The following CRIP2 variants were observed in gnomAD, a reference collection of about 807,000 sequenced individuals.
The protein encoded by CRIP2 is cysteine-rich protein 2.
A neutral mutation model predicts 31.3 loss-of-function variants in CRIP2; 31 were observed. The observed-to-expected ratio is 0.99, with a 90% CI of 0.74 to 1.34. CRIP2 has a LOEUF of 1.34. Among genes scored for constraint, CRIP2 ranks in the 40% most tolerant of loss-of-function variants. The pLI is 0.00. For synonymous variants in CRIP2, 177 were observed against 127.2 expected (o/e 1.39, Z -2.63); for missense variants, 389 against 301.6 (o/e 1.29, Z -2.15).
chr14:105,477,854 A>AGCGCG (rs2083976614), intron 1 of CRIP2, among the ~76,000 whole-genome samples: 2 of 88,978 alleles, frequency 2.2e-5, no homozygotes, highest in African/African-American at 5.5e-5. Context: ...GGTGTCCGGG[A>AGCGCG]GGCAGGTGTT....
At position 105,478,972 on chromosome 14, in the gene CRIP2, C is replaced by G; in HGVS notation, c.338-7C>G. 1 of 1,563,626 alleles carries G rather than the reference C, an allele frequency of 6.4e-7. No homozygotes were observed. The highest frequency in any genetic ancestry group is 8.6e-7 in the Non-Finnish European group (1 of 1,159,916). On this transcript the variant is annotated splice_region_variant and splice_polypyrimidine_tract_variant and intron_variant, in intron 4 of 7. Coordinates refer to ENST00000329146, the MANE Select transcript of CRIP2 (RefSeq NM_001312.4). This position sits in a 1 kb window ranked among gnomAD's most constrained non-coding sequence, Gnocchi z 4.9. ...CCCCGCCCCGCCCTGACTCGTGCGC[C>G]CCACAGCCTCCAGTGTCACCACTTT...
intron 1 of CRIP2, chr14:105,477,160 C>A: frequency 1.8e-6 from 1 of 545,382 alleles, no homozygotes; most frequent in Non-Finnish European, 2.3e-6. Flanking sequence ...CTTCAGAATT[C>A]CGGCTCTGCT....
chr14:105,478,183 TG>T lies in CRIP2; in HGVS notation c.44-78del. The T allele has an allele frequency of 9.4e-7, 1 of 1,065,180 alleles. No individual in the cohort carries two copies. The allele number at this position is 1,065,180 out of a possible 1,614,324, so 66.0% of individuals were successfully genotyped here. ...TGAAAGTGGGGACCCCCGGAGCGCG[TG>T]GGGGTGGTGGCTGCCAGGTGGGGGC... On this transcript the variant is annotated intron_variant, in intron 1 of 7. Transcript: ENST00000329146. The surrounding 1 kb of genome is among the most constrained non-coding windows in gnomAD (Gnocchi z 4.9).
Position 105,478,361 on chromosome 14 carries a change from G to T in CRIP2, c.138+1G>T. On this transcript the variant is annotated splice_donor_variant, in intron 2 of 7. Transcript: ENST00000329146. LOFTEE classifies it high-confidence loss of function. This position sits in a 1 kb window ranked among gnomAD's most constrained non-coding sequence, Gnocchi z 4.9. ...GCTGACGCCCGGGGGCCACGCCGAGGTGAGCCCCACTGCGCGGCGCGGGCG... is the reference window on the plus strand; with the variant it reads ...GCTGACGCCCGGGGGCCACGCCGAGTTGAGCCCCACTGCGCGGCGCGGGCG... 1 of 1,572,450 alleles carries T rather than the reference G, an allele frequency of 6.4e-7. No individual in the cohort carries two copies.
intron 1 of CRIP2, chr14:105,475,885 C>T: frequency 1.0e-6 from 1 of 985,516 alleles, no homozygotes; most frequent in Non-Finnish European, 1.2e-6. Context: ...GGGCCGGGAC[C>T]AACAGGGCGC....
upstream of CRIP2, chr14:105,473,607 G>C (rs933807734): frequency 7.1e-7 from 1 of 1,404,058 alleles, no homozygotes; most frequent in Admixed American, 2.3e-5. Flanking sequence ...TGGGCTTCTG[G>C]GATCTGCCTG....
chr14:105,478,784 G>A lies in CRIP2; in HGVS notation c.250G>A (p.Gly84Arg). The change falls in exon 4 of 8, where the codon GGG becomes AGG. Residue 84 changes from glycine (G) to arginine (R), a missense_variant. Coordinates refer to ENST00000329146, the MANE Select transcript of CRIP2 (RefSeq NM_001312.4). The surrounding 1 kb of genome is among the most constrained non-coding windows in gnomAD (Gnocchi z 4.9). ...SYIYEKPLAE[G>R]PQVTGPIEVP... ...CATCTACGAGAAGCCCCTGGCGGAG[G>A]GGCCGCAGGTCACCGGCCCCATCGA... 1.4e-6 allele frequency: 2 copies of A among 1,432,328 alleles called. No homozygotes were observed. The highest frequency in any genetic ancestry group is 9.1e-7 in the Non-Finnish European group (1 of 1,100,058). 88.7% of individuals were successfully genotyped at this position (1,432,328 alleles called of 1,614,324 possible).
chr14:105,477,144 C>T, intron 1 of CRIP2: 4 of 436,822 alleles, frequency 9.2e-6, no homozygotes, highest in Non-Finnish European at 1.2e-5. Context: ...CAGCTTGTCC[C>T]CTTCCCTTCA....
Position 105,478,980 on chromosome 14 carries a change from C to T in CRIP2, c.339C>T (p.Ala113=), listed in dbSNP as rs2084021249. 5 of 1,571,838 alleles carry T rather than the reference C, an allele frequency of 3.2e-6. No individual in the cohort carries two copies. The highest frequency in any genetic ancestry group is 4.7e-5 in the East Asian group (2 of 42,400). ...CGCCCTGACTCGTGCGCCCCACAGC[C>T]TCCAGTGTCACCACTTTCACCGGGG... ...ASGPPKGPSR[A]SSVTTFTGEP... Residue 113 remains alanine (A), a splice_region_variant and synonymous_variant, in exon 5 of 8, where the codon GCC becomes GCT. Transcript: ENST00000329146. This position sits in a 1 kb window ranked among gnomAD's most constrained non-coding sequence, Gnocchi z 4.9.
intron 1 of CRIP2, 106 bp downstream of exon 1, chr14:105,475,011 C>CCCCGGA: frequency 1.6e-6 from 2 of 1,237,524 alleles, no homozygotes; most frequent in African/African-American, 1.6e-5. Flanking sequence ...CCGGCCCCGG[C>CCCCGGA]CCCGGACCGA....
chr14:105,475,327 C>T (rs898138230), intron 1 of CRIP2: 6 of 168,248 alleles, frequency 3.6e-5, no homozygotes, highest in Non-Finnish European at 2.5e-5. Flanking sequence ...CCTGGACCCC[C>T]TACACCCGCT....
upstream of CRIP2, chr14:105,474,621 C>A: frequency 4.2e-6 from 1 of 235,628 alleles, no homozygotes; most frequent in Non-Finnish European, 6.8e-6. The surrounding 1 kb of genome is among the most constrained non-coding windows in gnomAD (Gnocchi z 5.1). Context: ...CCACCTCCGG[C>A]GCGAGGGGCC....
chr14:105,473,327 CGGGGGGGCGGGG>C, upstream of CRIP2: 2 of 48,916 alleles, frequency 4.1e-5, no homozygotes, highest in Non-Finnish European at 6.1e-5. Context: ...GTCAGTCGGG[CGGGGGGGCGGGG>C]GGCATGTTTC....
chr14:105,473,512 G>A (rs587680892), upstream of CRIP2: 2 of 1,534,804 alleles, frequency 1.3e-6, no homozygotes, highest in Non-Finnish European at 1.7e-6. Flanking sequence ...AGAGGGAACA[G>A]GTAGGTCTCC....
At chr14:105,475,011 C>A in intron 1 of CRIP2, 106 bp downstream of exon 1, 2 of 1,237,522 alleles carry the variant, frequency 1.6e-6, no homozygotes, top group Non-Finnish European at 2.1e-6. Context: ...CCGGCCCCGG[C>A]CCCGGACCGA....
upstream of CRIP2, chr14:105,473,358 T>G: frequency 1.3e-6 from 2 of 1,535,234 alleles, no homozygotes; most frequent in East Asian, 2.4e-5. Context: ...TCTGGCCTGC[T>G]GTCACCATGG....
chr14:105,478,493 T>C lies in CRIP2; in HGVS notation c.182T>C (p.Leu61Pro). Reference protein sequence around the residue: ...PFCHKPCYATLFGPKGVNIGG... With the variant: ...PFCHKPCYATPFGPKGVNIGG... ...TGCCACAAGCCGTGCTACGCCACCC[T>C]GTTCGGACCCAAAGGTGAGCTCCGG... is the stretch of plus-strand genomic sequence containing the variant. The change falls in exon 3 of 8, where the codon CTG (leucine) becomes CCG (proline). Residue 61 changes from leucine to proline, a missense_variant. By Grantham distance (98) the Leu-to-Pro change is moderately conservative. Transcript: ENST00000329146. This position sits in a 1 kb window ranked among gnomAD's most constrained non-coding sequence, Gnocchi z 4.9. 1 of 1,609,024 alleles carries C rather than the reference T, an allele frequency of 6.2e-7. No homozygotes were observed.
At chr14:105,476,202 G>C (rs2083929698) in intron 1 of CRIP2, 1 of 985,292 alleles carries the variant, frequency 1.0e-6, no homozygotes, top group African/African-American at 1.7e-5. Context: ...TTTACCCCAG[G>C]CCGGGCCAGG....
At chr14:105,473,139 T>A (rs1555435094), upstream of CRIP2, 6 of 1,325,744 alleles carry the variant, frequency 4.5e-6, no homozygotes, top group Non-Finnish European at 3.1e-6. Flanking sequence ...TGGAGAGGGT[T>A]TGGCAGTGGG....
Sources: gnomAD v4.1 joint callset for allele counts (sites outside exome capture counted in the v4.1 genomes callset) on GRCh38, gnomAD v4.1.1 for gene constraint, Gnocchi (gnomAD v3.1) non-coding constraint, MANE v1.5 for transcripts, NCBI Gene and HGNC (gene_info 2026-07-23, HGNC 2026-07-21) for gene names.